The following DMXL2 variants were observed in gnomAD, a reference collection of about 807,000 sequenced individuals.
DMXL2 encodes dmX-like protein 2.
In DMXL2, 103 loss-of-function variants were observed where a neutral mutation model predicts 331.1. The observed-to-expected ratio is 0.31, with a 90% CI of 0.27 to 0.37. DMXL2 has a LOEUF of 0.37. Among genes scored for constraint, DMXL2 ranks in the 10% least tolerant of loss-of-function variants. The probability of loss-of-function intolerance (pLI) is 1.00; values close to 1 mark genes in which losing one functional copy is unlikely to be tolerated. For missense variants in DMXL2, 3,171 were observed against 3,642.9 expected (o/e 0.87, Z 3.33); for synonymous variants, 1,281 against 1,252.1 (o/e 1.02, Z -0.49).
intron 1 of DMXL2, among the ~76,000 whole-genome samples, chr15:51,616,935 TAAAAAA>T (rs34051640): frequency 1.2e-5 from 1 of 81,232 alleles, no homozygotes; most frequent in Admixed American, 1.5e-4. Context: ...AGACTCCATC[TAAAAAA>T]AAAAAAAAAA....
At chr15:51,548,809 A>C (rs1003845181) in intron 6 of DMXL2, among the ~76,000 whole-genome samples, 5 of 152,124 alleles carry the variant, frequency 3.3e-5, no homozygotes, top group African/African-American at 1.2e-4. Context: ...AAAACTTCTA[A>C]ATTACAGGGG....
intron 18 of DMXL2, among the ~76,000 whole-genome samples, chr15:51,496,405 A>T (rs186697427): frequency 6.6e-6 from 1 of 152,324 alleles, no homozygotes; most frequent in African/African-American, 2.4e-5. Context: ...CAATAAGATG[A>T]CATGCCAGCA....
At chr15:51,479,145 A>G (rs974386470) in intron 25 of DMXL2, among the ~76,000 whole-genome samples, 9 of 152,316 alleles carry the variant, frequency 5.9e-5, no homozygotes, top group African/African-American at 2.2e-4. Flanking sequence ...GATTTAAATA[A>G]TCTCTGCTAA....
intron 28 of DMXL2, among the ~76,000 whole-genome samples, chr15:51,472,873 G>A (rs2140316988): frequency 6.6e-6 from 1 of 152,258 alleles, no homozygotes; most frequent in East Asian, 1.9e-4. Flanking sequence ...AGCAGCTAGA[G>A]CGGTTCTGTT....
chr15:51,598,181 T>C (rs2052964261), intron 1 of DMXL2, among the ~76,000 whole-genome samples: 1 of 152,182 alleles, frequency 6.6e-6, no homozygotes, highest in African/African-American at 2.4e-5. Context: ...GTTTTTTATT[T>C]TGACATAATT....
intron 3 of DMXL2, among the ~76,000 whole-genome samples, chr15:51,566,625 A>G (rs1031920165): frequency 1.3e-4 from 20 of 152,182 alleles, no homozygotes; most frequent in African/African-American, 4.6e-4. Flanking sequence ...TATTATAGGG[A>G]AAGATTAATA....
intron 10 of DMXL2, 131 bp from the exon 11 acceptor site, chr15:51,537,890 G>A (rs745909928): frequency 1.6e-4 from 183 of 1,127,796 alleles, no homozygotes; most frequent in Middle Eastern, 2.9e-4. Flanking sequence ...AAAAAACAAA[G>A]GAAACTTTTG....
chr15:51,599,453 T>C (rs1428819450), intron 1 of DMXL2, among the ~76,000 whole-genome samples: 2 of 152,212 alleles, frequency 1.3e-5, no homozygotes, highest in East Asian at 1.9e-4. Context: ...TATTTTCAAC[T>C]GTCCACTGAA....
chr15:51,493,369 A>T (rs1356029262), intron 19 of DMXL2, among the ~76,000 whole-genome samples: 2 of 152,218 alleles, frequency 1.3e-5, no homozygotes. Context: ...AAACAAAAAT[A>T]CACACAGACA....
intron 28 of DMXL2, 54 bp from the exon 29 acceptor site, chr15:51,471,455 T>C (rs2140309633): frequency 6.6e-7 from 1 of 1,506,948 alleles, no homozygotes; most frequent in Non-Finnish European, 9.1e-7. Flanking sequence ...CATTGTTAAT[T>C]GATAGAGTTA....
intron 10 of DMXL2, 74 bp downstream of exon 10, chr15:51,538,139 A>G (rs796178009): frequency 6.6e-7 from 1 of 1,510,036 alleles, no homozygotes; most frequent in African/African-American, 1.4e-5. Context: ...GGAAGGAAGA[A>G]TTCAAAACTA....
At position 51,498,870 on chromosome 15, in the gene DMXL2, T is replaced by C. The variant is rs1320673621; in HGVS notation, c.4354A>G (p.Ile1452Val). 5.6e-6 allele frequency: 9 copies of C among 1,614,180 alleles called. No individual in the cohort carries two copies. The highest frequency in any genetic ancestry group is 1.7e-5 in the Admixed American group (1 of 60,028). Residue 1452 changes from isoleucine to valine, a missense_variant, in exon 18 of 44, where the codon ATA becomes GTA. Coordinates refer to ENST00000560891, the MANE Select transcript of DMXL2 (RefSeq NM_001378457.1). ...GTCTGATCTTCATAGCTCTGTGGTA[T>C]CTTTGTACTTTCTTCTGAAATTCTG... ...SYRISEESTK[I>V]PQSYEDQTVS...
intron 34 of DMXL2, 179 bp from the exon 35 acceptor site, chr15:51,458,974 G>A (rs1003756807): frequency 1.3e-5 from 8 of 594,614 alleles, no homozygotes; most frequent in East Asian, 2.8e-5. Flanking sequence ...TGGAAAATTT[G>A]CTTAAATTCT....
At chr15:51,579,911 C>T (rs2051293483) in intron 1 of DMXL2, among the ~76,000 whole-genome samples, 1 of 152,162 alleles carries the variant, frequency 6.6e-6, no homozygotes, top group Admixed American at 6.5e-5. Context: ...CACAGGCCTG[C>T]TTTTGAAGAC....
Position 51,476,596 on chromosome 15 carries a change from T to C in DMXL2, c.6957A>G (p.Gln2319=), listed in dbSNP as rs1352419809. ...EHATPNSSPA[Q]WPGVSSLINL... ...AATCATTTAAATTCTCACCAGGCCA[T>C]TGAGCAGGAGATGAATTTGGTGTTG... The change falls in exon 27 of 44, where the codon CAA becomes CAG. Residue 2319 remains glutamine (Q), a synonymous_variant. Coordinates refer to ENST00000560891, the MANE Select transcript of DMXL2 (RefSeq NM_001378457.1). The C allele has an allele frequency of 1.0e-5, 16 of 1,605,306 alleles. No individual in the cohort carries two copies. Among genetic ancestry groups the C allele is most frequent in the East Asian group, 6.7e-5 (3 of 44,548 alleles).
intron 1 of DMXL2, among the ~76,000 whole-genome samples, chr15:51,614,806 A>G (rs184527028): frequency 2.0e-5 from 3 of 152,206 alleles, no homozygotes; most frequent in African/African-American, 7.2e-5. Flanking sequence ...AAGCCACGTG[A>G]AAGTCTGGAA....
intron 8 of DMXL2, 137 bp from the exon 9 acceptor site, chr15:51,542,644 T>A: frequency 1.6e-6 from 1 of 619,112 alleles, no homozygotes; most frequent in Non-Finnish European, 2.7e-6. Context: ...CTTTTTAAAT[T>A]ACAGTAGAAC....
chr15:51,516,929 T>C, intron 14 of DMXL2, 149 bp downstream of exon 14: 2 of 667,078 alleles, frequency 3.0e-6, no homozygotes, highest in East Asian at 2.6e-5. Context: ...CCTAAATCAT[T>C]AGTAGATTTT....
chr15:51,582,023 T>G (rs1046880422), intron 1 of DMXL2, among the ~76,000 whole-genome samples: 1 of 152,162 alleles, frequency 6.6e-6, no homozygotes, highest in Non-Finnish European at 1.5e-5. Flanking sequence ...GAGTGAGTTT[T>G]GATCAATGTA....
Sources: gnomAD v4.1 joint callset for allele counts (sites outside exome capture counted in the v4.1 genomes callset) on GRCh38, gnomAD v4.1.1 for gene constraint, MANE v1.5 for transcripts, NCBI Gene and HGNC (gene_info 2026-07-23, HGNC 2026-07-21) for gene names.